ZNF540: variants seen among roughly 807,000 people sequenced by gnomAD.
The protein encoded by ZNF540 is zinc finger protein 540.
ZNF540 carries 3 observed loss-of-function variants against 11.8 expected under a neutral mutation model. The ratio of observed to expected loss-of-function variants is 0.25; its 90% CI spans 0.12 to 0.65. The LOEUF is 0.65. ZNF540 is among the 30% of genes least tolerant of loss of function. The pLI is 0.83. For synonymous variants in ZNF540, 247 were observed against 259.0 expected (o/e 0.95, Z 0.45); for missense variants, 709 against 793.1 (o/e 0.89, Z 1.27).
chr19:37,566,211 T>C (rs1225021142), intron 1 of ZNF540: 1 of 1,613,996 alleles, frequency 6.2e-7, no homozygotes. Context: ...CGTTTCCCCA[T>C]ATTCTCCCAC....
upstream of ZNF540, chr19:37,594,815 G>C (rs1202752268): frequency 6.6e-6 from 1 of 152,224 alleles, no homozygotes; most frequent in East Asian, 1.9e-4. Context: ...CGACGCGGGG[G>C]CCTTCGGGAA....
chr19:37,564,754 A>G (rs150609354), intron 1 of ZNF540: 39 of 1,613,614 alleles, frequency 2.4e-5, no homozygotes, highest in Admixed American at 5.0e-5. Context: ...CCTTACATTC[A>G]TAGGGTTTCT....
At chr19:37,606,919 T>C (rs1393384026) in intron 4 of ZNF540, among the ~76,000 whole-genome samples, 1 of 152,156 alleles carries the variant, frequency 6.6e-6, no homozygotes, top group Admixed American at 6.5e-5. Context: ...TGTATCTTTT[T>C]TTTCTTTTAT....
At chr19:37,604,398 C>T (rs2044066422) in intron 4 of ZNF540, among the ~76,000 whole-genome samples, 1 of 147,650 alleles carries the variant, frequency 6.8e-6, no homozygotes, top group South Asian at 2.2e-4. Flanking sequence ...AGCTCCGCCT[C>T]CCGGGTTCAC....
At chr19:37,579,500 C>A (rs1169169146) in intron 1 of ZNF540, among the ~76,000 whole-genome samples, 1 of 152,076 alleles carries the variant, frequency 6.6e-6, no homozygotes, top group East Asian at 1.9e-4. Context: ...GAAAGGATTC[C>A]CTATTCAATA....
chr19:37,555,992 G>A lies in ZNF540; in HGVS notation c.-73+4327G>A, dbSNP rs376987720. The A allele has an allele frequency of 2.0e-5, 14 of 701,588 alleles. 1 individual carries two copies. The highest frequency in any genetic ancestry group is 8.9e-5 in the South Asian group (6 of 67,528). 43.5% of individuals were successfully genotyped at this position (701,588 alleles called of 1,614,324 possible). A position where few individuals can be genotyped will look rare whatever the true frequency, so the allele number is the denominator to read the frequency against. ...AAGTATCTCGACAGCTAGTGTCAGG[G>A]TGATTCCCAGGACAGAGGTAAAAGT... On this transcript the variant is annotated intron_variant, in intron 1 of 4. Transcript: ENST00000592533.
chr19:37,611,062 C>T (rs1044872779), intron 4 of ZNF540: 1 of 151,346 alleles, frequency 6.6e-6, no homozygotes, highest in Admixed American at 6.6e-5. Flanking sequence ...GCTCTTGTAG[C>T]CCAGGCTGGA....
rs778441594 is a variant in ZNF540, at chr19:37,565,563, T to A, written c.-73+13898T>A. On this transcript the variant is annotated intron_variant, in intron 1 of 4. Transcript: ENST00000592533. ...TGGTAAGTAAGTTGAGAGCCAAGAA[T>A]AAAGGCCTTCCCACAATCCTTACAT... The A allele has an allele frequency of 3.1e-6, 5 of 1,613,666 alleles. No individual in the cohort carries two copies. The Admixed American group carries it at 8.3e-5, about 27-fold the overall frequency.
In ZNF540 at chr19:37,613,010, A is replaced by G; in HGVS notation, c.1730A>G (p.Lys577Arg). ...TEHQKIHTGVKPYKCKECGKA... is the reference protein window; with the variant it reads ...TEHQKIHTGVRPYKCKECGKA... The stretch of plus-strand genomic sequence containing the variant: ...CATCAGAAAATTCATACGGGTGTAA[A>G]ACCATACAAATGTAAAGAATGTGGG... The change falls in exon 5 of 5, where the codon AAA (lysine) becomes AGA (arginine). Residue 577 changes from lysine (K) to arginine (R), a missense_variant. Transcript: ENST00000316433. 1 of 1,614,198 alleles carries G rather than the reference A, an allele frequency of 6.2e-7. No homozygotes were observed. The highest frequency in any genetic ancestry group is 8.5e-7 in the Non-Finnish European group (1 of 1,180,022).
chr19:37,565,166 C>G, intron 1 of ZNF540: 1 of 1,613,514 alleles, frequency 6.2e-7, no homozygotes, highest in Non-Finnish European at 8.5e-7. Flanking sequence ...ACATTCCTTA[C>G]ATTTGTAGGG....
At chr19:37,599,438 C>A (rs1031775232) in intron 2 of ZNF540, among the ~76,000 whole-genome samples, 188 bp from the exon 3 acceptor site, 5 of 152,138 alleles carry the variant, frequency 3.3e-5, no homozygotes, top group African/African-American at 1.2e-4. Context: ...CTGGATTCTT[C>A]AAGAAAATGA....
At chr19:37,553,623 A>G (rs1294143592) in intron 1 of ZNF540, among the ~76,000 whole-genome samples, 1 of 152,170 alleles carries the variant, frequency 6.6e-6, no homozygotes, top group Admixed American at 6.5e-5. Context: ...TACTGGCTAA[A>G]TATTACGGCA....
At chr19:37,561,337 A>G (rs972864947) in intron 1 of ZNF540, among the ~76,000 whole-genome samples, 4 of 152,242 alleles carry the variant, frequency 2.6e-5, no homozygotes, top group Admixed American at 1.3e-4. Flanking sequence ...AGTGTAGTCC[A>G]TGACTGAAGA....
chr19:37,568,461 G>T (rs1216105391), intron 1 of ZNF540, among the ~76,000 whole-genome samples: 1 of 151,988 alleles, frequency 6.6e-6, no homozygotes, highest in Non-Finnish European at 1.5e-5. Flanking sequence ...AGAAATCAAT[G>T]GGCTTATGGT....
At chr19:37,609,079 T>C (rs1163868478) in intron 4 of ZNF540, among the ~76,000 whole-genome samples, 1 of 152,244 alleles carries the variant, frequency 6.6e-6, no homozygotes, top group African/African-American at 2.4e-5. Context: ...TACTCTGTTC[T>C]CCCTAAAATT....
At chr19:37,601,198 G>A (rs2044037173) in intron 4 of ZNF540, 93 bp downstream of exon 4, 2 of 1,068,966 alleles carry the variant, frequency 1.9e-6, no homozygotes, top group Admixed American at 2.6e-5. Context: ...ATGCTGTTTA[G>A]GGAGTTACTC....
chr19:37,571,613 G>T (rs1022371506), intron 1 of ZNF540, among the ~76,000 whole-genome samples: 6 of 152,178 alleles, frequency 3.9e-5, no homozygotes, highest in Non-Finnish European at 8.8e-5. Flanking sequence ...AATTTACCAT[G>T]GTAAGAAAGC....
intron 1 of ZNF540, among the ~76,000 whole-genome samples, chr19:37,572,757 AAATT>A (rs1185747992): frequency 3.3e-5 from 5 of 152,188 alleles, no homozygotes; most frequent in Non-Finnish European, 5.9e-5. Flanking sequence ...ACTTCAAATA[AAATT>A]AATTAATTTC....
At chr19:37,604,296 CTTTTTTTTTTTTTTT>C (rs769163050) in intron 4 of ZNF540, among the ~76,000 whole-genome samples, 32 of 75,262 alleles carry the variant, frequency 4.3e-4, no homozygotes, top group Middle Eastern at 7.0e-3. Flanking sequence ...AATAGCCTTA[CTTTTTTTTTTTTTTT>C]TTTTTTTTTT....
Sources: gnomAD v4.1 joint callset for allele counts (sites outside exome capture counted in the v4.1 genomes callset) on GRCh38, gnomAD v4.1.1 for gene constraint, MANE v1.5 for transcripts, NCBI Gene and HGNC (gene_info 2026-07-23, HGNC 2026-07-21) for gene names.